The following FSTL5 variants were observed in gnomAD, a reference collection of about 807,000 sequenced individuals.
FSTL5 encodes the protein follistatin like 5.
Under a neutral mutation model 89.1 loss-of-function variants are expected in FSTL5, and 62 were observed. That is an observed-to-expected ratio of 0.70 (90% CI 0.57 to 0.86). The LOEUF (loss-of-function observed/expected upper bound fraction) is 0.86. Ranked by LOEUF, FSTL5 falls within the 40% of genes least tolerant of loss-of-function variation. The probability of loss-of-function intolerance (pLI) is 0.00; values close to 1 mark genes in which losing one functional copy is unlikely to be tolerated. For synonymous variants in FSTL5, 383 were observed against 346.2 expected (o/e 1.11, Z -1.18); for missense variants, 1,057 against 1,001.6 (o/e 1.06, Z -0.75).
chr4:162,019,267 C>G (rs1016182072), intron 3 of FSTL5, among the ~76,000 whole-genome samples: 2 of 151,994 alleles, frequency 1.3e-5, no homozygotes, highest in African/African-American at 4.8e-5. Flanking sequence ...AAAACTCTAG[C>G]TAATCATAAC....
At chr4:161,755,611 T>A (rs1007345718) in intron 6 of FSTL5, among the ~76,000 whole-genome samples, 2 of 152,066 alleles carry the variant, frequency 1.3e-5, no homozygotes, top group Non-Finnish European at 2.9e-5. Flanking sequence ...CTTCTTTTTA[T>A]AAAGTATGTG....
intron 6 of FSTL5, among the ~76,000 whole-genome samples, chr4:161,661,585 A>G (rs116185085): frequency 0.017 from 2,526 of 152,264 alleles, 73 homozygotes; most frequent in African/African-American, 0.057. Context: ...ACTAACAAGG[A>G]AATTCTGATG....
chr4:161,569,758 A>AACACACACAC (rs56387876), intron 8 of FSTL5, among the ~76,000 whole-genome samples: 2 of 134,338 alleles, frequency 1.5e-5, no homozygotes, highest in African/African-American at 5.9e-5. Context: ...CCAACACACA[A>AACACACACAC]ACACACACAC....
At chr4:161,765,251 T>G (rs1423853861) in intron 5 of FSTL5, among the ~76,000 whole-genome samples, 2 of 152,174 alleles carry the variant, frequency 1.3e-5, no homozygotes, top group Admixed American at 1.3e-4. Context: ...TGCTTTACAC[T>G]CTCTGATGTT....
chr4:161,589,388 C>T (rs550800418), intron 7 of FSTL5, among the ~76,000 whole-genome samples: 5 of 151,904 alleles, frequency 3.3e-5, no homozygotes, highest in Admixed American at 1.3e-4. Flanking sequence ...TTACCATGTT[C>T]GCCAGGCTGG....
chr4:161,406,876 C>G (rs1731398497), intron 15 of FSTL5, among the ~76,000 whole-genome samples: 1 of 152,112 alleles, frequency 6.6e-6, no homozygotes, highest in Admixed American at 6.6e-5. Context: ...TAATTTTAAT[C>G]AATTTTGCCC....
At chr4:162,158,931 A>G (rs1733587695) in intron 1 of FSTL5, among the ~76,000 whole-genome samples, 1 of 152,106 alleles carries the variant, frequency 6.6e-6, no homozygotes, top group African/African-American at 2.4e-5. Context: ...CTTTACTAGT[A>G]CCAACTCACT....
chr4:161,398,894 T>A (rs113523451), intron 15 of FSTL5, among the ~76,000 whole-genome samples: 1 of 152,044 alleles, frequency 6.6e-6, no homozygotes, highest in Non-Finnish European at 1.5e-5. Context: ...CATTATTATG[T>A]TGTAGGAAAC....
chr4:161,705,366 A>G (rs1488520989), intron 6 of FSTL5, among the ~76,000 whole-genome samples: 1 of 152,092 alleles, frequency 6.6e-6, no homozygotes, highest in African/African-American at 2.4e-5. Context: ...TTCCTAAAAG[A>G]AAAGTCAGCA....
chr4:161,959,331 G>C (rs1348885012), intron 3 of FSTL5, among the ~76,000 whole-genome samples: 2 of 151,918 alleles, frequency 1.3e-5, no homozygotes, highest in Non-Finnish European at 2.9e-5. Flanking sequence ...TCTTAACATA[G>C]GTATAACATG....
chr4:161,492,764 A>G (rs1729925752), intron 12 of FSTL5, among the ~76,000 whole-genome samples: 1 of 152,056 alleles, frequency 6.6e-6, no homozygotes, highest in African/African-American at 2.4e-5. Flanking sequence ...ATAATTTTGA[A>G]GTTTAAGCTA....
chr4:161,427,480 G>T (rs1732205802), intron 15 of FSTL5, among the ~76,000 whole-genome samples: 1 of 152,158 alleles, frequency 6.6e-6, no homozygotes, highest in African/African-American at 2.4e-5. Flanking sequence ...CAACAGCATT[G>T]CTAAGTATTC....
intron 15 of FSTL5, among the ~76,000 whole-genome samples, chr4:161,442,353 CTG>C (rs904403048): frequency 2.6e-5 from 4 of 152,132 alleles, no homozygotes; most frequent in Non-Finnish European, 4.4e-5. Flanking sequence ...CCATCAATAA[CTG>C]TTATAATTTA....
rs115916272 is a variant in FSTL5, at chr4:161,481,222, C to A, written c.1459-53G>T. ...TTTATACCTTAAATTATAACACATG[C>A]CTGACAATATCATGGGTAAAATTAA... is the stretch of plus-strand genomic sequence containing the variant. On this transcript the variant is annotated intron_variant, in intron 12 of 15. Coordinates refer to ENST00000306100, the MANE Select transcript of FSTL5 (RefSeq NM_020116.5). The A allele has an allele frequency of 7.2e-4, 989 of 1,371,508 alleles. 5 individuals carry two copies. The African/African-American group carries it at 0.012, about 16-fold the overall frequency. 85.0% of individuals were successfully genotyped at this position (1,371,508 alleles called of 1,614,324 possible).
At chr4:161,619,323 A>T (rs11100378) in intron 7 of FSTL5, among the ~76,000 whole-genome samples, 10 of 152,206 alleles carry the variant, frequency 6.6e-5, no homozygotes, top group Non-Finnish European at 1.5e-4. Context: ...TGGCAACAAA[A>T]GACAAAATTG....
intron 10 of FSTL5, among the ~76,000 whole-genome samples, chr4:161,515,800 G>GGTGTAT (rs1730802715): frequency 6.6e-6 from 1 of 151,306 alleles, no homozygotes; most frequent in African/African-American, 2.4e-5. Flanking sequence ...CAGTCATACA[G>GGTGTAT]GTGTATGTGT....
chr4:161,752,834 A>G (rs1364067923), intron 6 of FSTL5, among the ~76,000 whole-genome samples: 1 of 152,100 alleles, frequency 6.6e-6, no homozygotes, highest in Admixed American at 6.5e-5. Flanking sequence ...GGTGGGTCCT[A>G]ATCTGATAGG....
At chr4:161,957,740 T>G (rs1373312690) in intron 3 of FSTL5, among the ~76,000 whole-genome samples, 1 of 152,062 alleles carries the variant, frequency 6.6e-6, no homozygotes, top group Non-Finnish European at 1.5e-5. Context: ...TGGGCATAAT[T>G]GACATACCTA....
intron 8 of FSTL5, among the ~76,000 whole-genome samples, chr4:161,565,152 C>T (rs1732752629): frequency 6.6e-6 from 1 of 151,732 alleles, no homozygotes; most frequent in African/African-American, 2.4e-5. Context: ...CTCAGACCTC[C>T]GTATTAACAG....
Sources: allele counts gnomAD v4.1 joint callset (sites outside exome capture counted in the v4.1 genomes callset), GRCh38; gene constraint gnomAD v4.1.1; transcripts MANE v1.5; gene names NCBI Gene and HGNC (gene_info 2026-07-23, HGNC 2026-07-21).